The following TMEM38B variants were observed in gnomAD, a reference collection of about 807,000 sequenced individuals.
TMEM38B encodes transmembrane protein 38B.
A neutral mutation model predicts 28.7 loss-of-function variants in TMEM38B; 24 were observed. That is an observed-to-expected ratio of 0.84 (90% CI 0.61 to 1.18). The LOEUF (loss-of-function observed/expected upper bound fraction) is 1.18, where lower values mean the gene tolerates loss of function less well. TMEM38B is among the 50% of genes most tolerant of loss of function. The pLI is 0.00. For synonymous variants in TMEM38B, 131 were observed against 127.7 expected (o/e 1.03, Z -0.17); for missense variants, 380 against 350.9 (o/e 1.08, Z -0.66).
Position 105,708,351 on chromosome 9 carries a change from G to T in TMEM38B, c.269+2598G>T, listed in dbSNP as rs551687059. On this transcript the variant is annotated intron_variant, in intron 2 of 5. Transcript: ENST00000374692. ...AGAGATGATTTAAAGTGTAGTGGAG[G>T]ATGTGTGTAGGTTATGTACAAATCC... Among the ~76,000 whole-genome samples the T allele has an allele frequency of 2.0e-5, 3 of 152,272 alleles. No homozygotes were observed. The South Asian group carries it at 6.2e-4, about 32-fold the overall frequency.
chr9:105,694,566 G>A lies in TMEM38B; in HGVS notation c.-95G>A, dbSNP rs967716377. The stretch of plus-strand genomic sequence containing the variant: ...GGAGCTGGAGCCGGCGCGGAGGAGC[G>A]GGCGGCCGCGGCTGTGCCCTCTCCT... On this transcript the variant is annotated 5_prime_UTR_variant, in exon 1 of 6. Coordinates refer to ENST00000374692, the MANE Select transcript of TMEM38B (RefSeq NM_018112.3). 6 of 860,960 alleles carry A rather than the reference G, an allele frequency of 7.0e-6. No individual in the cohort carries two copies. The East Asian group carries it at 1.9e-4, about 27-fold the overall frequency. The allele number at this position is 860,960 out of a possible 1,614,324, so 53.3% of individuals were successfully genotyped here. A position where few individuals can be genotyped will look rare whatever the true frequency, so the allele number is the denominator to read the frequency against.
chr9:105,723,493 G>C (rs1490541654), intron 4 of TMEM38B, among the ~76,000 whole-genome samples: 1 of 151,736 alleles, frequency 6.6e-6, no homozygotes, highest in African/African-American at 2.4e-5. Context: ...TTGGGCTCAA[G>C]TGATCCTTCC....
chr9:105,764,721 C>A (rs1038508792), intron 5 of TMEM38B, among the ~76,000 whole-genome samples: 1 of 150,584 alleles, frequency 6.6e-6, no homozygotes, highest in African/African-American at 2.4e-5. Context: ...TCACAGAATT[C>A]GAAAAAACTA....
chr9:105,714,416 A>G (rs908307672), intron 2 of TMEM38B, among the ~76,000 whole-genome samples: 23 of 152,326 alleles, frequency 1.5e-4, no homozygotes, highest in African/African-American at 5.3e-4. Context: ...TCTGCCCAGA[A>G]AAGTGACATC....
intron 4 of TMEM38B, among the ~76,000 whole-genome samples, chr9:105,737,630 A>G (rs1837036372): frequency 6.6e-6 from 1 of 152,148 alleles, no homozygotes; most frequent in Non-Finnish European, 1.5e-5. Flanking sequence ...AGGGTGTTGC[A>G]TCCGTTCCAC....
chr9:105,764,759 G>T (rs540775356), intron 5 of TMEM38B, among the ~76,000 whole-genome samples: 2 of 151,278 alleles, frequency 1.3e-5, no homozygotes, highest in East Asian at 3.9e-4. Flanking sequence ...AACCAAAAAA[G>T]AGCCCGCATC....
intron 2 of TMEM38B, chr9:105,710,606 A>G (rs1292678479): frequency 1.3e-6 from 1 of 782,540 alleles, no homozygotes; most frequent in Admixed American, 1.7e-5. Flanking sequence ...AACACCCTCA[A>G]ATTGAACAGA....
intron 5 of TMEM38B, among the ~76,000 whole-genome samples, chr9:105,757,598 T>A (rs1837877903): frequency 6.6e-6 from 1 of 152,178 alleles, no homozygotes; most frequent in Non-Finnish European, 1.5e-5. Context: ...AAAAATTATT[T>A]GAAAAAACAC....
intron 4 of TMEM38B, among the ~76,000 whole-genome samples, chr9:105,727,840 T>C (rs537325683): frequency 6.6e-6 from 1 of 152,274 alleles, no homozygotes; most frequent in East Asian, 1.9e-4. Context: ...TTGTGATAAG[T>C]GAGTTCTTGT....
chr9:105,725,990 T>A (rs1340578379), intron 4 of TMEM38B, among the ~76,000 whole-genome samples: 3 of 152,312 alleles, frequency 2.0e-5, no homozygotes, highest in South Asian at 2.1e-4. Flanking sequence ...TACTTATTTT[T>A]AAAAATTTTT....
intron 4 of TMEM38B, among the ~76,000 whole-genome samples, chr9:105,741,223 G>T (rs528183739): frequency 1.3e-3 from 201 of 152,264 alleles, no homozygotes; most frequent in African/African-American, 4.6e-3. Context: ...AAATTTCTCT[G>T]TTTTTAAACC....
At chr9:105,708,723 A>G (rs1262625863) in intron 2 of TMEM38B, among the ~76,000 whole-genome samples, 1 of 151,988 alleles carries the variant, frequency 6.6e-6, no homozygotes, top group Non-Finnish European at 1.5e-5. Context: ...TTTTTTCCTC[A>G]GAAGTCTCAT....
intron 5 of TMEM38B, among the ~76,000 whole-genome samples, chr9:105,751,673 A>G (rs7031431): frequency 6.6e-6 from 1 of 152,048 alleles, no homozygotes; most frequent in Non-Finnish European, 1.5e-5. Context: ...AGGCTGGAAT[A>G]TGTCTGAGAC....
At chr9:105,736,920 C>T (rs1837005162) in intron 4 of TMEM38B, among the ~76,000 whole-genome samples, 1 of 152,166 alleles carries the variant, frequency 6.6e-6, no homozygotes, top group African/African-American at 2.4e-5. Context: ...GAGCTTGTGG[C>T]AGCAGTACTG....
chr9:105,735,132 T>C (rs191912188), intron 4 of TMEM38B, among the ~76,000 whole-genome samples: 1 of 152,326 alleles, frequency 6.6e-6, no homozygotes. Context: ...ACTATTAGAC[T>C]ATTTCAAGCT....
At chr9:105,748,051 T>A (rs1837493704) in intron 4 of TMEM38B, 22 bp from the exon 5 acceptor site, 1 of 1,512,690 alleles carries the variant, frequency 6.6e-7, no homozygotes, top group African/African-American at 1.4e-5. Context: ...ACTTGCTGAT[T>A]TAAAATGTGT....
intron 2 of TMEM38B, among the ~76,000 whole-genome samples, chr9:105,714,258 G>T (rs1360329176): frequency 1.3e-5 from 2 of 152,150 alleles, no homozygotes; most frequent in Admixed American, 1.3e-4. Context: ...CTACAAAGAG[G>T]AGCTACCCAC....
rs1836776593 is a variant in TMEM38B, at chr9:105,732,202, A to ATAT, written c.542+9584_542+9586dup. 2.0e-5 allele frequency among the ~76,000 whole-genome samples: 3 copies of ATAT among 152,044 alleles called. No individual in the cohort carries two copies. The South Asian group carries it at 6.2e-4, about 32-fold the overall frequency. On this transcript the variant is annotated intron_variant, in intron 4 of 5. Coordinates refer to ENST00000374692, the MANE Select transcript of TMEM38B (RefSeq NM_018112.3). The stretch of plus-strand genomic sequence containing the variant: ...TGTTTAAGTTCTTTGTAGATTCTGG[A>ATAT]TATTAGCACTTTGTCAGATGGGTAG...
rs1186584933 is a variant in TMEM38B, at chr9:105,774,019, C to T, written c.815C>T (p.Ser272Leu). The T allele has an allele frequency of 2.5e-6, 4 of 1,613,710 alleles. No individual in the cohort carries two copies. Among genetic ancestry groups the T allele is most frequent in the East Asian group, 4.5e-5 (2 of 44,880 alleles). Residue 272 changes from serine to leucine, a missense_variant, in exon 6 of 6, where the codon TCA becomes TTA. Ser to Leu is a moderately radical substitution (Grantham distance 145). Coordinates refer to ENST00000374692, the MANE Select transcript of TMEM38B (RefSeq NM_018112.3). The part of the protein sequence containing the change: ...SPSNGVGSLA[S>L]KPVDVASDNV... ...TCCAATGGCGTTGGGTCATTGGCCT[C>T]AAAGCCGGTAGATGTTGCCTCAGAT...
Sources: gnomAD v4.1 joint callset for allele counts (sites outside exome capture counted in the v4.1 genomes callset) on GRCh38, gnomAD v4.1.1 for gene constraint, MANE v1.5 for transcripts, NCBI Gene and HGNC (gene_info 2026-07-23, HGNC 2026-07-21) for gene names.